KCNH2: variants seen among roughly 807,000 people sequenced by gnomAD.
KCNH2 encodes the protein voltage-gated inwardly rectifying potassium channel KCNH2.
In KCNH2, 35 loss-of-function variants were observed where a neutral mutation model predicts 95.9. The observed-to-expected ratio is 0.37, with a 90% CI of 0.28 to 0.48. The LOEUF (loss-of-function observed/expected upper bound fraction) is 0.48, where lower values mean the gene tolerates loss of function less well. Ranked by LOEUF, KCNH2 falls within the 20% of genes least tolerant of loss-of-function variation. The pLI, the probability that KCNH2 is intolerant of heterozygous loss-of-function variation, is 0.99. For missense variants in KCNH2, 1,274 were observed against 1,702.9 expected, an observed-to-expected ratio of 0.75 and a Z score of 4.43; for synonymous variants, 786 against 754.7, an observed-to-expected ratio of 1.04 and a Z score of -0.68.
chr7:150,965,423 TG>T (rs1305665818), intron 2 of KCNH2, among the ~76,000 whole-genome samples: 1 of 152,112 alleles, frequency 6.6e-6, no homozygotes, highest in Non-Finnish European at 1.5e-5. Flanking sequence ...GTGCACGAAC[TG>T]GAAGTCCCAC....
chr7:150,958,172 GC>G lies in KCNH2; in HGVS notation c.802del (p.Ala268ProfsTer92). ...PDASGSSCSLARTRSRESCAS... is the reference protein window; with the variant it reads ...PDASGSSCSLXRTRSRESCAS... ...GCAGCTTTCTCGGGAGCGCGTCCGG[GC>G]CAGGCTGCAGCTGGAGCCCGAGGCG... is the stretch of plus-strand genomic sequence containing the variant. On this transcript the variant is annotated frameshift_variant, in exon 4 of 15. Coordinates refer to ENST00000262186, the MANE Select transcript of KCNH2 (RefSeq NM_000238.4). LOFTEE classifies it high-confidence loss of function. 1.5e-6 allele frequency: 2 copies of G among 1,353,200 alleles called. No homozygotes were observed. Among genetic ancestry groups the G allele is most frequent in the South Asian group, 1.9e-5 (1 of 54,050 alleles). 83.8% of individuals were successfully genotyped at this position (1,353,200 alleles called of 1,614,324 possible).
At position 150,952,121 on chromosome 7, in the gene KCNH2, G is replaced by A. The variant is rs1801196249; in HGVS notation, c.1558-286C>T. 6.6e-6 allele frequency among the ~76,000 whole-genome samples: 1 copy of A among 152,120 alleles called. No homozygotes were observed. The highest frequency in any genetic ancestry group is 2.4e-5 in the African/African-American group (1 of 41,418). ...CCTGCCCACTCCCACCAGCTTCTAG[G>A]GCACTTTGGTGACGCTACAAAATAA... On this transcript the variant is annotated intron_variant, in intron 6 of 14. Coordinates refer to ENST00000262186, the MANE Select transcript of KCNH2 (RefSeq NM_000238.4). This position sits in a 1 kb window ranked among gnomAD's most constrained non-coding sequence, Gnocchi z 7.3.
At chr7:150,976,016 C>A (rs538362265) in intron 1 of KCNH2, among the ~76,000 whole-genome samples, 1 of 152,256 alleles carries the variant, frequency 6.6e-6, no homozygotes, top group Non-Finnish European at 1.5e-5. Context: ...GAGAGCCAGG[C>A]TGGCGAGTGA....
At chr7:150,947,208 GGAA>G (rs1349364631) in intron 13 of KCNH2, 117 bp downstream of exon 13, 12 of 1,133,308 alleles carry the variant, frequency 1.1e-5, no homozygotes, top group Non-Finnish European at 1.1e-5. Context: ...GGCTAGGAAT[GGAA>G]GAAGGGGATC....
chr7:150,957,305 C>A lies in KCNH2; in HGVS notation c.1114G>T (p.Glu372Ter). Residue 372 changes from glutamate to a stop codon, truncating the protein, a stop_gained, in exon 5 of 15, where the codon GAG becomes TAG. Transcript: ENST00000262186. LOFTEE classifies it high-confidence loss of function. The stretch of plus-strand genomic sequence containing the variant: ...TGGGCGCCTACCTGGGTGACCTTCT[C>A]AGTGACATTGTGGGTTCGCTCCTTT... Reference protein sequence around the residue: ...KIKERTHNVTEKVTQVLSLGA... With the variant: ...KIKERTHNVT 6.3e-7 allele frequency: 1 copy of A among 1,581,094 alleles called. No homozygotes were observed. The highest frequency in any genetic ancestry group is 1.2e-5 in the South Asian group (1 of 86,748).
chr7:150,951,114 A>G lies in KCNH2; in HGVS notation c.1952T>C (p.Met651Thr). The G allele has an allele frequency of 1.2e-6, 2 of 1,605,918 alleles. No homozygotes were observed. Among genetic ancestry groups the G allele is most frequent in the Non-Finnish European group, 1.7e-6 (2 of 1,175,492 alleles). Residue 651 changes from methionine to threonine, a missense_variant, in exon 8 of 15, where the codon ATG becomes ACG. Transcript: ENST00000262186. The stretch of plus-strand genomic sequence containing the variant: ...CACGTTGCCGAAGATGCTAGCATAC[A>G]TGAGGGCTGGGGGCGTGGGCACGTG... ...SICVMLIGSL[M>T]YASIFGNVSA...
At chr7:150,976,646 A>C (rs946886537) in intron 1 of KCNH2, among the ~76,000 whole-genome samples, 4 of 152,046 alleles carry the variant, frequency 2.6e-5, no homozygotes, top group African/African-American at 9.7e-5. Flanking sequence ...CCTCCTCCAC[A>C]GACCTGGAAC....
chr7:150,956,521 G>C (rs993806969), intron 5 of KCNH2, among the ~76,000 whole-genome samples: 1 of 152,146 alleles, frequency 6.6e-6, no homozygotes, highest in Non-Finnish European at 1.5e-5. Flanking sequence ...GCCCCCAAAG[G>C]CTAGGATAAG....
At chr7:150,971,104 A>G (rs1317594223) in intron 2 of KCNH2, among the ~76,000 whole-genome samples, 2 of 152,220 alleles carry the variant, frequency 1.3e-5, no homozygotes, top group African/African-American at 4.8e-5. Flanking sequence ...GGGCACAGGA[A>G]GAAATGAAGA....
chr7:150,954,290 T>C (rs1479290303), intron 5 of KCNH2, among the ~76,000 whole-genome samples: 2 of 149,614 alleles, frequency 1.3e-5, no homozygotes, highest in Non-Finnish European at 1.5e-5. Flanking sequence ...AAGAAAACAC[T>C]GGCCAGGCCC....
In KCNH2 at chr7:150,949,172, C is replaced by G. The variant is rs141482050; in HGVS notation, c.2399-123G>C. ...CCCCTCAGCTGGGTCGCCTGCCAGC[C>G]GGCCCCCAACCCACACAACCGGGGA... On this transcript the variant is annotated intron_variant, in intron 9 of 14. Transcript: ENST00000262186. 3.6e-6 allele frequency: 4 copies of G among 1,122,416 alleles called. No individual in the cohort carries two copies. In the African/African-American group the frequency reaches 6.2e-5, roughly 17 times the overall value. The allele number at this position is 1,122,416 out of a possible 1,614,324, so 69.5% of individuals were successfully genotyped here.
rs41313746 is a variant in KCNH2, at chr7:150,945,350, C to T, written c.*15G>A. ...GATCCCTGGGTGAGCCACGTGTCCA[C>T]ACTGGGCAGCCCCACTAACTGCCCG... On this transcript the variant is annotated 3_prime_UTR_variant, in exon 15 of 15. Transcript: ENST00000262186. The surrounding 1 kb of genome is among the most constrained non-coding windows in gnomAD (Gnocchi z 5.6). 2.1e-3 allele frequency: 3,332 copies of T among 1,582,518 alleles called. 67 individuals are homozygous for T. The African/African-American group carries it at 0.04, about 19-fold the overall frequency.
At chr7:150,972,454 A>C (rs901366637) in intron 2 of KCNH2, among the ~76,000 whole-genome samples, 1 of 152,224 alleles carries the variant, frequency 6.6e-6, no homozygotes, top group Non-Finnish European at 1.5e-5. Flanking sequence ...TTCAAGGCAG[A>C]AGAAGCGGAG....
In KCNH2 at chr7:150,962,556, G is replaced by A. The variant is rs1021355586; in HGVS notation, c.308-2820C>T. Among the ~76,000 whole-genome samples the A allele has an allele frequency of 2.0e-5, 3 of 151,498 alleles. No individual in the cohort carries two copies. The highest frequency in any genetic ancestry group is 1.9e-4 in the East Asian group (1 of 5,158). On this transcript the variant is annotated intron_variant, in intron 2 of 14. Transcript: ENST00000262186. This position sits in a 1 kb window ranked among gnomAD's most constrained non-coding sequence, Gnocchi z 5.7. ...CATCTCAAAATCCCCTGCCAGGGTC[G>A]CAGAAACTCTAGGTATACGCCACCT...
chr7:150,974,808 G>A lies in KCNH2; in HGVS notation c.210C>T (p.His70=), dbSNP rs1801935113. The A allele has an allele frequency of 2.5e-6, 4 of 1,605,832 alleles. No homozygotes were observed. Among genetic ancestry groups the A allele is most frequent in the Non-Finnish European group, 3.4e-6 (4 of 1,176,466 alleles). Residue 70 remains histidine, a synonymous_variant, in exon 2 of 15, where the codon CAC becomes CAT. Transcript: ENST00000262186. ...CAGCGCGGCGCTGCGTGCGCGGCCC[G>A]TGCAGGAAGTCGCAGGTGCAGGGTC... is the stretch of plus-strand genomic sequence containing the variant. ...MQRPCTCDFL[H]GPRTQRRAAA...
At chr7:150,968,342 G>A (rs1225777152) in intron 2 of KCNH2, among the ~76,000 whole-genome samples, 2 of 152,210 alleles carry the variant, frequency 1.3e-5, no homozygotes, top group Non-Finnish European at 2.9e-5. Context: ...CTGGGAGTTG[G>A]AGACATTGTG....
rs752947823 is a variant in KCNH2 at position 150,971,983 on chromosome 7, G to A, written c.307+2728C>T. Among the ~76,000 whole-genome samples the A allele has an allele frequency of 1.4e-4, 22 of 152,120 alleles. No individual in the cohort carries two copies. In the East Asian group the frequency reaches 1.6e-3, roughly 11 times the overall value. On this transcript the variant is annotated intron_variant, in intron 2 of 14. Transcript: ENST00000262186. ...CCCAGGGCCTTGCGGGGATGTTACC[G>A]CCAGCCAGCCTCACACCACTGGACT...
Position 150,945,286 on chromosome 7 carries a change from T to C in KCNH2, c.*79A>G. 2 of 1,474,904 alleles carry C rather than the reference T, an allele frequency of 1.4e-6. No individual in the cohort carries two copies. Among genetic ancestry groups the C allele is most frequent in the East Asian group, 2.5e-5 (1 of 40,496 alleles). The allele number at this position is 1,474,904 out of a possible 1,614,324, so 91.4% of individuals were successfully genotyped here. On this transcript the variant is annotated 3_prime_UTR_variant, in exon 15 of 15. Transcript: ENST00000262186. This position sits in a 1 kb window ranked among gnomAD's most constrained non-coding sequence, Gnocchi z 5.6. ...CTCCCCTTCCACGGTCAGGGCCTCCTGAGCAGGGCCTCCAAGGGGAGCGGC... is the reference window on the plus strand; with the variant it reads ...CTCCCCTTCCACGGTCAGGGCCTCCCGAGCAGGGCCTCCAAGGGGAGCGGC...
chr7:150,977,717 C>A, intron 1 of KCNH2, 121 bp downstream of exon 1: 1 of 795,736 alleles, frequency 1.3e-6, no homozygotes, highest in Non-Finnish European at 2.0e-6. Context: ...TGGGGCCCAC[C>A]AGGCCCCATT....
Sources: gnomAD v4.1 joint callset for allele counts (sites outside exome capture counted in the v4.1 genomes callset) on GRCh38, gnomAD v4.1.1 for gene constraint, Gnocchi (gnomAD v3.1) non-coding constraint, MANE v1.5 for transcripts, NCBI Gene and HGNC (gene_info 2026-07-23, HGNC 2026-07-21) for gene names.